The following NSD3 variants were observed in gnomAD, a reference collection of about 807,000 sequenced individuals.
The protein encoded by NSD3 is nuclear receptor binding SET domain protein 3, also known as histone-lysine N-methyltransferase NSD3.
NSD3 carries 24 observed loss-of-function variants against 160.8 expected under a neutral mutation model. The observed-to-expected ratio is 0.15, with a 90% confidence interval of 0.11 to 0.21. NSD3 has a LOEUF of 0.21. Ranked by LOEUF, NSD3 falls within the 10% of genes least tolerant of loss-of-function variation. NSD3 has a pLI of 1.00. For synonymous variants in NSD3, 520 were observed against 600.0 expected, an observed-to-expected ratio of 0.87 and a Z score of 1.95; for missense variants, 1,157 against 1,735.9, an observed-to-expected ratio of 0.67 and a Z score of 5.93.
chr8:38,362,160 A>G (rs1810982198), intron 1 of NSD3, among the ~76,000 whole-genome samples: 1 of 150,000 alleles, frequency 6.7e-6, no homozygotes, highest in African/African-American at 2.5e-5. Context: ...AGGACATGAA[A>G]CTAGTTCATC....
chr8:38,349,075 T>C (rs1585912018), intron 1 of NSD3, among the ~76,000 whole-genome samples: 1 of 152,230 alleles, frequency 6.6e-6, no homozygotes, highest in African/African-American at 2.4e-5. Context: ...CTTTCACATC[T>C]TTCTCTACAT....
chr8:38,307,659 C>T (rs1048584969), intron 12 of NSD3, among the ~76,000 whole-genome samples: 1 of 151,930 alleles, frequency 6.6e-6, no homozygotes, highest in African/African-American at 2.4e-5. Flanking sequence ...AGAAGAGCTC[C>T]GACAGAACAA....
At chr8:38,363,639 CAAA>C (rs768805402) in intron 1 of NSD3, among the ~76,000 whole-genome samples, 51 of 48,704 alleles carry the variant, frequency 1.0e-3, no homozygotes, top group African/African-American at 3.8e-3. Context: ...GACTCCGTCT[CAAA>C]AAAAAAAAAA....
chr8:38,285,882 C>T lies in NSD3; in HGVS notation c.3501+2605G>A, dbSNP rs377432797. Among the ~76,000 whole-genome samples, 19 of 152,012 alleles carry T rather than the reference C, an allele frequency of 1.2e-4. No individual in the cohort carries two copies. The South Asian group carries it at 3.7e-3, about 30-fold the overall frequency. ...CTCAACTACAACCCCAGTGATTCCACGTCACCATTGTCTTTCTCCTGGGCG... is the reference window on the plus strand; with the variant it reads ...CTCAACTACAACCCCAGTGATTCCATGTCACCATTGTCTTTCTCCTGGGCG... On this transcript the variant is annotated intron_variant, in intron 19 of 23. Transcript: ENST00000317025.
intron 1 of NSD3, among the ~76,000 whole-genome samples, chr8:38,371,949 T>C (rs1264651586): frequency 6.6e-6 from 1 of 152,210 alleles, no homozygotes; most frequent in Non-Finnish European, 1.5e-5. Context: ...GAAAGCATAA[T>C]GCAGTTTCTC....
intron 15 of NSD3, among the ~76,000 whole-genome samples, chr8:38,296,506 A>C (rs780111885): frequency 6.6e-6 from 1 of 152,164 alleles, no homozygotes; most frequent in Admixed American, 6.5e-5. Flanking sequence ...AGAATCTCAA[A>C]TTGGTGATTA....
Position 38,271,536 on chromosome 8 carries a change from A to G in NSD3, c.*4105T>C, listed in dbSNP as rs1808482903. ...TGTTAATTCATTGCAAAGCTGTCTA[A>G]TTATAGTATTCCCTAGTCCATCTGA... On this transcript the variant is annotated 3_prime_UTR_variant, in exon 24 of 24. Coordinates refer to ENST00000317025, the MANE Select transcript of NSD3 (RefSeq NM_023034.2). 1 of 152,160 alleles carries G rather than the reference A, an allele frequency of 6.6e-6. No homozygotes were observed. The highest frequency in any genetic ancestry group is 1.5e-5 in the Non-Finnish European group (1 of 68,002). 9.4% of individuals were successfully genotyped at this position (152,160 alleles called of 1,614,324 possible).
intron 19 of NSD3, among the ~76,000 whole-genome samples, chr8:38,284,455 C>G (rs1424211987): frequency 6.6e-6 from 1 of 152,226 alleles, no homozygotes; most frequent in Non-Finnish European, 1.5e-5. Flanking sequence ...ATGGCGTGAT[C>G]TTGGCCCACT....
intron 2 of NSD3, among the ~76,000 whole-genome samples, chr8:38,339,419 G>A (rs1317862009): frequency 6.6e-6 from 1 of 152,094 alleles, no homozygotes; most frequent in African/African-American, 2.4e-5. Flanking sequence ...ACTTACAAGA[G>A]CTAAGTATTA....
intron 12 of NSD3, among the ~76,000 whole-genome samples, chr8:38,307,343 T>C (rs1369165165): frequency 6.6e-6 from 1 of 151,882 alleles, no homozygotes; most frequent in Non-Finnish European, 1.5e-5. Context: ...ATACCAATTA[T>C]TGATAAGGGT....
chr8:38,277,939 CTTTT>C (rs1212507237), intron 22 of NSD3, among the ~76,000 whole-genome samples: 3 of 136,434 alleles, frequency 2.2e-5, no homozygotes, highest in Admixed American at 1.5e-4. Context: ...AAACAGACTT[CTTTT>C]TTTTTTTTTT....
At chr8:38,300,207 A>G (rs1309881525) in intron 14 of NSD3, among the ~76,000 whole-genome samples, 2 of 152,050 alleles carry the variant, frequency 1.3e-5, no homozygotes, top group African/African-American at 4.8e-5. Context: ...TGTCACTCAG[A>G]CTGGAGGGTA....
In NSD3 at chr8:38,299,430, A is replaced by G. The variant is rs1422166985; in HGVS notation, c.2758+14T>C. Reference sequence around the variant, plus strand: ...TGCAAAAATAAAAGCAAGAGAAACTATTTTGATTATTACCTTTCTCACATT... The same window carrying G: ...TGCAAAAATAAAAGCAAGAGAAACTGTTTTGATTATTACCTTTCTCACATT... On this transcript the variant is annotated intron_variant, in intron 15 of 23. Coordinates refer to ENST00000317025, the MANE Select transcript of NSD3 (RefSeq NM_023034.2). The G allele has an allele frequency of 6.2e-7, 1 of 1,606,068 alleles. No homozygotes were observed. Among genetic ancestry groups the G allele is most frequent in the East Asian group, 2.2e-5 (1 of 44,682 alleles).
rs562649308 is a variant in NSD3, at chr8:38,272,932, A to G, written c.*2709T>C. The G allele has an allele frequency of 6.6e-6, 1 of 152,368 alleles. No homozygotes were observed. The highest frequency in any genetic ancestry group is 2.4e-5 in the African/African-American group (1 of 41,586). 9.4% of individuals were successfully genotyped at this position (152,368 alleles called of 1,614,324 possible). On this transcript the variant is annotated 3_prime_UTR_variant, in exon 24 of 24. Transcript: ENST00000317025. ...AAATATATCAAATAGGTCAACATTG[A>G]CGCTATGGAGGTGTGAGGAGAACTC...
intron 1 of NSD3, among the ~76,000 whole-genome samples, chr8:38,372,827 A>C (rs1251216956): frequency 2.0e-5 from 3 of 150,872 alleles, no homozygotes; most frequent in Admixed American, 6.6e-5. Context: ...AAAAAAAAAA[A>C]AAACCACCAG....
chr8:38,324,740 T>C lies in NSD3; in HGVS notation c.1708+1990A>G, dbSNP rs534760034. 6.6e-5 allele frequency among the ~76,000 whole-genome samples: 10 copies of C among 152,280 alleles called. No homozygotes were observed. In the East Asian group the frequency reaches 1.7e-3, roughly 26 times the overall value. ...GCTAGTCACTAGAAAAACCAAGCTATGATTAGATGCTTTAAGCTCCACCCC... is the reference window on the plus strand; with the variant it reads ...GCTAGTCACTAGAAAAACCAAGCTACGATTAGATGCTTTAAGCTCCACCCC... On this transcript the variant is annotated intron_variant, in intron 7 of 23. Coordinates refer to ENST00000317025, the MANE Select transcript of NSD3 (RefSeq NM_023034.2).
At chr8:38,353,451 G>C (rs889541648) in intron 1 of NSD3, among the ~76,000 whole-genome samples, 1 of 152,070 alleles carries the variant, frequency 6.6e-6, no homozygotes, top group Non-Finnish European at 1.5e-5. Flanking sequence ...CTGTGTTTTT[G>C]GTTCTTGTAA....
chr8:38,349,410 C>T (rs1177897203), intron 1 of NSD3, among the ~76,000 whole-genome samples: 3 of 151,400 alleles, frequency 2.0e-5, no homozygotes, highest in Non-Finnish European at 4.4e-5. Flanking sequence ...TCTCAAACTC[C>T]TGGACTCAAG....
rs1810580868 is a variant in NSD3, at chr8:38,348,147, G to C, written c.25C>G (p.Gln9Glu). 6.3e-7 allele frequency: 1 copy of C among 1,596,122 alleles called. No homozygotes were observed. Among genetic ancestry groups the C allele is most frequent in the Non-Finnish European group, 8.5e-7 (1 of 1,170,770 alleles). MDFSFSFM[Q>E]GIMGNTIQQP... is the part of the protein sequence containing the mutation. ...TGAATTGTGTTTCCCATGATCCCTTGCATGAAAGAGAAAGAGAAATCCATT... is the reference window on the plus strand; with the variant it reads ...TGAATTGTGTTTCCCATGATCCCTTCCATGAAAGAGAAAGAGAAATCCATT... The change falls in exon 2 of 24, where the codon CAA becomes GAA. Residue 9 changes from glutamine (Q) to glutamate (E), a missense_variant. This residue lies in a region of NSD3 where 121 missense variants were observed against 177.2 expected (regional missense o/e 0.68). Transcript: ENST00000317025.
Sources: gnomAD v4.1 joint callset for allele counts (sites outside exome capture counted in the v4.1 genomes callset) on GRCh38, gnomAD v4.1.1 for gene constraint, gnomAD v4.1.1 regional missense constraint, MANE v1.5 for transcripts, NCBI Gene and HGNC (gene_info 2026-07-23, HGNC 2026-07-21) for gene names.